Variants in SOX6 observed in about 807,000 individuals in gnomAD.
SOX6 encodes the protein transcription factor SOX-6.
SOX6 carries 11 observed loss-of-function variants against 97.8 expected under a neutral mutation model. The observed-to-expected ratio is 0.11, with a 90% CI of 0.07 to 0.19. SOX6 has a LOEUF of 0.19. Ranked by LOEUF, SOX6 falls within the 10% of genes least tolerant of loss-of-function variation. SOX6 has a pLI of 1.00. For synonymous variants in SOX6, 360 were observed against 371.4 expected (o/e 0.97, Z 0.35); for missense variants, 810 against 1,039.5 (o/e 0.78, Z 3.04).
intron 1 of SOX6, among the ~76,000 whole-genome samples, chr11:16,435,867 T>C (rs1285784218): frequency 1.3e-5 from 2 of 152,116 alleles, no homozygotes; most frequent in Non-Finnish European, 2.9e-5. Flanking sequence ...CATAATTATG[T>C]TCTCCCTATT....
intron 7 of SOX6, among the ~76,000 whole-genome samples, chr11:16,101,709 C>T (rs565843063): frequency 6.6e-6 from 1 of 151,870 alleles, no homozygotes; most frequent in African/African-American, 2.4e-5. Flanking sequence ...ACTAGGGATG[C>T]AGGGATGGCT....
At chr11:16,500,660 C>T (rs1212789528) in intron 4 of SOX6, among the ~76,000 whole-genome samples, 1 of 152,074 alleles carries the variant, frequency 6.6e-6, no homozygotes, top group African/African-American at 2.4e-5. Context: ...TCTTATATAC[C>T]AATAACAAAC....
chr11:16,242,201 A>G (rs1853216261), intron 3 of SOX6, among the ~76,000 whole-genome samples: 1 of 152,086 alleles, frequency 6.6e-6, no homozygotes, highest in South Asian at 2.1e-4. Flanking sequence ...GCATAAGAGT[A>G]TAATGTCATA....
intron 2 of SOX6, among the ~76,000 whole-genome samples, chr11:16,321,744 A>C (rs1392033045): frequency 6.6e-6 from 1 of 152,162 alleles, no homozygotes; most frequent in Non-Finnish European, 1.5e-5. Context: ...CACAAGAATT[A>C]CTTGCAATAT....
In SOX6 at chr11:16,610,381, A is replaced by G. The variant is rs1848382005; in HGVS notation, n.609+1700T>C. On this transcript the variant is annotated intron_variant and non_coding_transcript_variant, in intron 4 of 5. Transcript: ENST00000524520. The surrounding 1 kb of genome is among the most constrained non-coding windows in gnomAD (Gnocchi z 4.4). ...CTGCGACAAGTTTGGCTTTCCAAAT[A>G]CTAGCGCGTCCGTCTCTTTAAATCA... 6.6e-6 allele frequency among the ~76,000 whole-genome samples: 1 copy of G among 152,180 alleles called. No individual in the cohort carries two copies.
chr11:16,370,614 T>C (rs1439163675), intron 1 of SOX6, among the ~76,000 whole-genome samples: 1 of 152,076 alleles, frequency 6.6e-6, no homozygotes, highest in Admixed American at 6.6e-5. Flanking sequence ...CATATCTCCA[T>C]TTGGAGGTCT....
chr11:16,365,307 T>TGTC (rs1857327893), intron 1 of SOX6, among the ~76,000 whole-genome samples: 1 of 105,194 alleles, frequency 9.5e-6, no homozygotes, highest in Non-Finnish European at 2.1e-5. Flanking sequence ...GTGTGTGTGT[T>TGTC]TGTGTGTGTG....
chr11:16,579,600 G>A (rs1186488021), intron 4 of SOX6, among the ~76,000 whole-genome samples: 4 of 151,972 alleles, frequency 2.6e-5, no homozygotes, highest in African/African-American at 4.8e-5. Flanking sequence ...TCCATATAAT[G>A]TCTGTGAAAA....
At chr11:16,393,314 G>A (rs1274811484) in intron 1 of SOX6, among the ~76,000 whole-genome samples, 1 of 151,952 alleles carries the variant, frequency 6.6e-6, no homozygotes, top group Non-Finnish European at 1.5e-5. Context: ...TATTTGTTCA[G>A]TTGGAAAAAA....
At position 16,502,751 on chromosome 11, in the gene SOX6, CA is replaced by C. The variant is rs536555214; in HGVS notation, n.610-26364del. ...TAAAGTGACCTAATATTCAAATTTT[CA>C]GTGTCTCAGAAGGTGACAAGAAAAC... On this transcript the variant is annotated intron_variant and non_coding_transcript_variant, in intron 4 of 5. Transcript: ENST00000524520. 8.9e-4 allele frequency among the ~76,000 whole-genome samples: 135 copies of C among 152,220 alleles called. No homozygotes were observed. The Middle Eastern group carries it at 0.01, about 12-fold the overall frequency.
At chr11:16,495,205 G>A (rs1860575072) in intron 4 of SOX6, among the ~76,000 whole-genome samples, 1 of 152,130 alleles carries the variant, frequency 6.6e-6, no homozygotes, top group Admixed American at 6.5e-5. Context: ...CCACTACCTG[G>A]GGCCAAAGCA....
At chr11:16,158,445 C>T (rs1463591191) in intron 6 of SOX6, among the ~76,000 whole-genome samples, 1 of 151,918 alleles carries the variant, frequency 6.6e-6, no homozygotes, top group East Asian at 1.9e-4. Flanking sequence ...TTTCTTTTCC[C>T]ACATCTCCCA....
At chr11:16,058,703 T>A (rs972189148) in intron 9 of SOX6, among the ~76,000 whole-genome samples, 2 of 152,028 alleles carry the variant, frequency 1.3e-5, no homozygotes, top group African/African-American at 2.4e-5. Flanking sequence ...AGGAGAAGAA[T>A]CTCATAGTCT....
intron 4 of SOX6, among the ~76,000 whole-genome samples, chr11:16,503,903 C>T (rs1860746217): frequency 6.6e-6 from 1 of 151,932 alleles, no homozygotes; most frequent in Non-Finnish European, 1.5e-5. Context: ...ATTAGCCAGG[C>T]ATGGTGGTGG....
chr11:16,331,033 GA>G (rs1467382520), intron 2 of SOX6, among the ~76,000 whole-genome samples: 2 of 152,298 alleles, frequency 1.3e-5, no homozygotes, highest in East Asian at 3.9e-4. Context: ...AATTCTTACA[GA>G]GCACATTTCT....
intron 4 of SOX6, among the ~76,000 whole-genome samples, chr11:16,210,685 T>G (rs1852196659): frequency 1.3e-5 from 2 of 152,296 alleles, no homozygotes; most frequent in Non-Finnish European, 2.9e-5. Flanking sequence ...CCAAACAGCC[T>G]TCTCTCACAC....
At chr11:16,386,280 A>G (rs7929425) in intron 1 of SOX6, among the ~76,000 whole-genome samples, 103,309 of 150,880 alleles carry the variant, frequency 0.68, 35,588 homozygotes, top group Non-Finnish European at 0.72. Flanking sequence ...AAAACAAAGA[A>G]AAGTTTACTT....
chr11:16,611,019 G>A (rs774027989), intron 4 of SOX6, among the ~76,000 whole-genome samples: 2 of 152,214 alleles, frequency 1.3e-5, no homozygotes, highest in African/African-American at 4.8e-5. Context: ...AAGGAGGGGC[G>A]AGCGGGTGGG....
At chr11:16,229,055 C>T (rs970199151) in intron 4 of SOX6, among the ~76,000 whole-genome samples, 10 of 152,130 alleles carry the variant, frequency 6.6e-5, no homozygotes, top group African/African-American at 2.2e-4. Flanking sequence ...CATTCTACTG[C>T]TCACACTTGA....
Sources: allele counts gnomAD v4.1 joint callset (sites outside exome capture counted in the v4.1 genomes callset), GRCh38; gene constraint gnomAD v4.1.1; non-coding constraint Gnocchi (gnomAD v3.1); transcripts MANE v1.5; gene names NCBI Gene and HGNC (gene_info 2026-07-23, HGNC 2026-07-21).